Variants in EDA observed in about 807,000 individuals in gnomAD.
EDA encodes the protein ectodysplasin-A.
EDA carries 2 observed loss-of-function variants against 23.6 expected under a neutral mutation model. The observed-to-expected ratio is 0.08, with a 90% confidence interval of 0.03 to 0.27. The LOEUF (loss-of-function observed/expected upper bound fraction) is 0.27. EDA is among the 10% of genes least tolerant of loss of function. The pLI is 1.00. For missense variants in EDA, 229 were observed against 324.2 expected (o/e 0.71, Z 2.26); for synonymous variants, 131 against 132.0 (o/e 0.99, Z 0.05).
intron 1 of EDA, among the ~76,000 whole-genome samples, chrX:69,724,438 C>T (rs768340747): frequency 9.0e-6 from 1 of 111,403 alleles, no homozygotes; most frequent in South Asian, 3.8e-4. Context: ...GTACAGAACC[C>T]TCTTCCTTAG....
Position 69,616,444 on chromosome X carries a change from T to G in EDA, c.136T>G (p.Phe46Val). Residue 46 changes from phenylalanine (F) to valine (V), a missense_variant, in exon 1 of 8, where the codon TTC (phenylalanine) becomes GTC (valine). By Grantham distance (50) the Phe-to-Val change is conservative (BLOSUM62 -1). Coordinates refer to ENST00000374552, the MANE Select transcript of EDA (RefSeq NM_001399.5). ...EGNSCLLFLG[F>V]FGLSLALHLL... ...GAACAGCTGCCTGCTCTTCCTGGGT[T>G]TCTTTGGCCTCTCGCTGGCCCTCCA... The G allele has an allele frequency of 3.3e-6, 4 of 1,211,715 alleles. No individual in the cohort carries two copies. The highest frequency in any genetic ancestry group is 4.5e-6 in the Non-Finnish European group (4 of 895,412).
intron 1 of EDA, chrX:69,670,203 C>CTTT: frequency 7.1e-6 from 1 of 140,717 alleles, no homozygotes; most frequent in Non-Finnish European, 1.2e-5. Flanking sequence ...TTTTTTTTTT[C>CTTT]TTTCAGGACT....
intron 1 of EDA, among the ~76,000 whole-genome samples, chrX:69,888,748 A>G (rs2017868125): frequency 9.4e-6 from 1 of 106,301 alleles, no homozygotes; most frequent in Non-Finnish European, 1.9e-5. Context: ...TCAAGAGGAT[A>G]TAAAAATTAT....
chrX:69,678,911 G>A (rs1441385242), intron 1 of EDA, among the ~76,000 whole-genome samples: 97 of 81,128 alleles, frequency 1.2e-3, no homozygotes, highest in East Asian at 2.5e-3. Context: ...GTTTTCAAAG[G>A]GAATGCTTCC....
chrX:69,865,238 TAGTC>T (rs1208473855), intron 1 of EDA, among the ~76,000 whole-genome samples: 5 of 110,464 alleles, frequency 4.5e-5, no homozygotes, highest in South Asian at 3.9e-4. Context: ...GCCTCTGTAT[TAGTC>T]AGGGTTTTCT....
intron 2 of EDA, among the ~76,000 whole-genome samples, chrX:69,968,388 A>G (rs1214697695): frequency 8.9e-6 from 1 of 112,120 alleles, no homozygotes; most frequent in Non-Finnish European, 1.9e-5. Flanking sequence ...AACAAAGGGA[A>G]CAGCAAGTAC....
intron 2 of EDA, among the ~76,000 whole-genome samples, chrX:70,018,576 C>T (rs1003317094): frequency 2.7e-5 from 3 of 111,854 alleles, no homozygotes; most frequent in Non-Finnish European, 3.8e-5. Context: ...CAAAAACAAA[C>T]GATCTAGAAA....
At chrX:69,850,725 A>G in intron 1 of EDA, among the ~76,000 whole-genome samples, 1 of 112,297 alleles carries the variant, frequency 8.9e-6, no homozygotes, top group East Asian at 2.8e-4. Flanking sequence ...ATGGCATCCA[A>G]AGCCCTCCAT....
chrX:69,771,386 C>T (rs1270373351), intron 1 of EDA, among the ~76,000 whole-genome samples: 1 of 111,373 alleles, frequency 9.0e-6, no homozygotes, highest in African/African-American at 3.3e-5. Context: ...ATACGTAGTA[C>T]TCCTTGGATG....
intron 7 of EDA, among the ~76,000 whole-genome samples, chrX:70,034,536 G>A (rs1569406785): frequency 9.0e-6 from 1 of 111,580 alleles, no homozygotes; most frequent in South Asian, 3.9e-4. Flanking sequence ...GGGGGTGGGC[G>A]GCAGATCAAA....
chrX:69,728,407 T>C (rs897235397), intron 1 of EDA, among the ~76,000 whole-genome samples: 1 of 111,808 alleles, frequency 8.9e-6, no homozygotes, highest in African/African-American at 3.3e-5. Context: ...TCTCTAATGA[T>C]TAGTAAAACA....
chrX:69,708,068 G>C (rs963338799), intron 1 of EDA, among the ~76,000 whole-genome samples: 8 of 111,377 alleles, frequency 7.2e-5, no homozygotes, highest in African/African-American at 2.6e-4. Flanking sequence ...TGTTACTGGG[G>C]GTCACTGGAG....
chrX:69,624,467 C>T (rs1215622558), intron 1 of EDA, among the ~76,000 whole-genome samples: 1 of 111,282 alleles, frequency 9.0e-6, no homozygotes, highest in Non-Finnish European at 1.9e-5. Context: ...GAATGGTAGA[C>T]ATTATATATG....
At chrX:69,938,668 T>C (rs2018711434) in intron 1 of EDA, among the ~76,000 whole-genome samples, 1 of 112,004 alleles carries the variant, frequency 8.9e-6, no homozygotes, top group African/African-American at 3.2e-5. Context: ...GGATATTAAA[T>C]TTTTGCCCAG....
At chrX:69,638,817 C>T (rs779211770) in intron 1 of EDA, among the ~76,000 whole-genome samples, 5 of 111,130 alleles carry the variant, frequency 4.5e-5, no homozygotes, top group African/African-American at 1.6e-4. Flanking sequence ...TTAGGTGTAC[C>T]GTTCAGTGGC....
intron 1 of EDA, among the ~76,000 whole-genome samples, chrX:69,787,407 C>A (rs775833922): frequency 4.3e-4 from 46 of 105,940 alleles, no homozygotes; most frequent in African/African-American, 1.4e-3. Context: ...TACATTTTGG[C>A]ATGATTTTGT....
chrX:69,762,005 G>C (rs927330900), intron 1 of EDA, among the ~76,000 whole-genome samples: 8 of 111,495 alleles, frequency 7.2e-5, no homozygotes, highest in Middle Eastern at 4.2e-3. Context: ...TTCATTCTTA[G>C]AATATATAAT....
intron 1 of EDA, among the ~76,000 whole-genome samples, chrX:69,825,371 T>C (rs1194021660): frequency 9.3e-6 from 1 of 107,835 alleles, no homozygotes; most frequent in Non-Finnish European, 1.9e-5. Flanking sequence ...TGCCACGATT[T>C]CAGCTCCTGT....
chrX:69,766,614 G>T (rs943708250), intron 1 of EDA, among the ~76,000 whole-genome samples: 4 of 111,858 alleles, frequency 3.6e-5, no homozygotes, highest in Admixed American at 2.8e-4. Context: ...CCTGCAGGAG[G>T]CATGGTCTCA....
Sources: allele counts gnomAD v4.1 joint callset (sites outside exome capture counted in the v4.1 genomes callset), GRCh38; gene constraint gnomAD v4.1.1; transcripts MANE v1.5; gene names NCBI Gene and HGNC (gene_info 2026-07-23, HGNC 2026-07-21).